The following ADGRA2 variants were observed in gnomAD, a reference collection of about 807,000 sequenced individuals.
The protein encoded by ADGRA2 is adhesion G protein-coupled receptor A2.
A neutral mutation model predicts 98.7 loss-of-function variants in ADGRA2; 61 were observed. That is an observed-to-expected ratio of 0.62 (90% CI 0.50 to 0.76). The LOEUF is 0.76. ADGRA2 is among the 30% of genes least tolerant of loss of function. The pLI is 0.00. For synonymous variants in ADGRA2, 858 were observed against 831.5 expected, an observed-to-expected ratio of 1.03 and a Z score of -0.55; for missense variants, 1,712 against 1,860.0, an observed-to-expected ratio of 0.92 and a Z score of 1.46.
chr8:37,829,411 C>G, intron 4 of ADGRA2, 77 bp from the exon 5 acceptor site: 1 of 1,526,590 alleles, frequency 6.6e-7, no homozygotes, highest in South Asian at 1.1e-5. Context: ...CCCAACCCTT[C>G]CACATCCCAC....
At chr8:37,804,130 C>G (rs139185332) in intron 1 of ADGRA2, among the ~76,000 whole-genome samples, 25 of 148,696 alleles carry the variant, frequency 1.7e-4, no homozygotes, top group African/African-American at 6.3e-4. Context: ...CACACACACA[C>G]ACACACACAC....
Position 37,839,414 on chromosome 8 carries a change from C to A in ADGRA2, c.2388-85C>A, listed in dbSNP as rs915531571. ...TCACACACGCAGATATGTGCCTGCC[C>A]CCCGTGGCTCTCCCAGTGGCCTTGA... On this transcript the variant is annotated intron_variant, in intron 15 of 18. Coordinates refer to ENST00000412232, the MANE Select transcript of ADGRA2 (RefSeq NM_032777.10). 3.6e-5 allele frequency: 56 copies of A among 1,569,414 alleles called. No homozygotes were observed. The African/African-American group carries it at 6.9e-4, about 19-fold the overall frequency.
intron 13 of ADGRA2, 84 bp from the exon 14 acceptor site, chr8:37,837,647 A>G: frequency 8.8e-7 from 1 of 1,140,102 alleles, no homozygotes; most frequent in Non-Finnish European, 1.3e-6. Context: ...ACACCCTGTC[A>G]CTGCTGCTGC....
At chr8:37,821,522 G>C (rs1805123754) in intron 2 of ADGRA2, among the ~76,000 whole-genome samples, 2 of 152,206 alleles carry the variant, frequency 1.3e-5, no homozygotes, top group South Asian at 4.1e-4. Context: ...CATGCAATGG[G>C]GACTAGGCCA....
intron 1 of ADGRA2, among the ~76,000 whole-genome samples, chr8:37,804,873 G>A (rs140340487): frequency 6.6e-6 from 1 of 152,330 alleles, no homozygotes; most frequent in Non-Finnish European, 1.5e-5. Flanking sequence ...GCGTACTCAC[G>A]GGGTCCCTGT....
chr8:37,799,515 G>A (rs1372182327), intron 1 of ADGRA2, among the ~76,000 whole-genome samples: 1 of 152,174 alleles, frequency 6.6e-6, no homozygotes, highest in East Asian at 1.9e-4. Flanking sequence ...CATATCAAAG[G>A]CAGAAGGAAG....
chr8:37,800,369 C>T (rs1804465938), intron 1 of ADGRA2, among the ~76,000 whole-genome samples: 1 of 152,206 alleles, frequency 6.6e-6, no homozygotes, highest in Non-Finnish European at 1.5e-5. Context: ...CGGATCACAC[C>T]TCTCAGGTGA....
Position 37,841,534 on chromosome 8 carries a change from T to C in ADGRA2, c.3196T>C (p.Phe1066Leu), listed in dbSNP as rs374098613. 19 of 1,612,450 alleles carry C rather than the reference T, an allele frequency of 1.2e-5. No homozygotes were observed. The highest frequency in any genetic ancestry group is 2.2e-5 in the South Asian group (2 of 90,984). ...AGCCTCCGCCCTGGGCCTCTTCGTC[T>C]TCACTCACCACTGTGCCAGGCGGAG... is the stretch of plus-strand genomic sequence containing the variant. Reference protein sequence around the residue: ...VAASALGLFVFTHHCARRRDV... With the variant: ...VAASALGLFVLTHHCARRRDV... The change falls in exon 19 of 19, where the codon TTC becomes CTC. Residue 1066 changes from phenylalanine to leucine, a missense_variant. Phe to Leu is a conservative substitution (Grantham distance 22). Coordinates refer to ENST00000412232, the MANE Select transcript of ADGRA2 (RefSeq NM_032777.10). The surrounding 1 kb of genome is among the most constrained non-coding windows in gnomAD (Gnocchi z 5.0).
chr8:37,810,882 C>T (rs1364277549), intron 1 of ADGRA2, among the ~76,000 whole-genome samples: 3 of 151,718 alleles, frequency 2.0e-5, no homozygotes, highest in Non-Finnish European at 2.9e-5. Context: ...TTTGGGAGGC[C>T]GAGGCGAGTG....
rs535852761 is a variant in ADGRA2, at chr8:37,802,992, G to A, written c.266+5458G>A. 5.8e-4 allele frequency among the ~76,000 whole-genome samples: 88 copies of A among 152,294 alleles called. No homozygotes were observed. The highest frequency in any genetic ancestry group is 2.1e-3 in the African/African-American group (86 of 41,558). On this transcript the variant is annotated intron_variant, in intron 1 of 18. Transcript: ENST00000412232. The surrounding 1 kb of genome is among the most constrained non-coding windows in gnomAD (Gnocchi z 4.7). ...CCTGAAGCCACCGAAGTCCCTGCCT[G>A]CTGGCTACCACGGCTCTCCCCTCTG... is the stretch of plus-strand genomic sequence containing the variant.
At chr8:37,816,813 G>A (rs1225880180) in intron 2 of ADGRA2, among the ~76,000 whole-genome samples, 1 of 152,026 alleles carries the variant, frequency 6.6e-6, no homozygotes, top group East Asian at 1.9e-4. Flanking sequence ...CTGCTCAGGA[G>A]GCTGAGGCAG....
At chr8:37,812,723 G>T (rs961207716) in intron 1 of ADGRA2, among the ~76,000 whole-genome samples, 13 of 151,374 alleles carry the variant, frequency 8.6e-5, no homozygotes, top group Non-Finnish European at 4.4e-5. Context: ...GGAGTGCAAT[G>T]GTGCCATCAT....
Position 37,830,630 on chromosome 8 carries a change from A to AAAC in ADGRA2, c.719-80_719-79insAAC. The AAAC allele has an allele frequency of 3.9e-6, 1 of 254,326 alleles. No individual in the cohort carries two copies. The highest frequency in any genetic ancestry group is 8.0e-6 in the Non-Finnish European group (1 of 125,426). The allele number at this position is 254,326 out of a possible 1,614,324, so 15.8% of individuals were successfully genotyped here. A position where few individuals can be genotyped will look rare whatever the true frequency, so the allele number is the denominator to read the frequency against. On this transcript the variant is annotated intron_variant, in intron 6 of 18. Coordinates refer to ENST00000412232, the MANE Select transcript of ADGRA2 (RefSeq NM_032777.10). The surrounding 1 kb of genome is among the most constrained non-coding windows in gnomAD (Gnocchi z 4.8). The stretch of plus-strand genomic sequence containing the variant: ...CGAGGGCCCCGCCCCGCCCCACCCC[A>AAAC]TCCTGCTGGACTCTCGCTCACACGT...
intron 13 of ADGRA2, among the ~76,000 whole-genome samples, chr8:37,837,373 C>G (rs1442887184): frequency 6.6e-6 from 1 of 151,652 alleles, no homozygotes; most frequent in East Asian, 1.9e-4. Context: ...TCCCTCCTCC[C>G]TCCTCCCTTC....
rs1232326061 is a variant in ADGRA2 at position 37,830,163 on chromosome 8, A to T, written c.718+149A>T. 1.9e-6 allele frequency: 1 copy of T among 537,714 alleles called. No homozygotes were observed. The highest frequency in any genetic ancestry group is 1.9e-5 in the African/African-American group (1 of 52,218). 33.3% of individuals were successfully genotyped at this position (537,714 alleles called of 1,614,324 possible). A position where few individuals can be genotyped will look rare whatever the true frequency, so the allele number is the denominator to read the frequency against. ...CCACGACACTGAGTCCTGCTCTTGC[A>T]TTTAGGGAGACCTTATCTTTATGTA... On this transcript the variant is annotated intron_variant, in intron 6 of 18. Transcript: ENST00000412232. This position sits in a 1 kb window ranked among gnomAD's most constrained non-coding sequence, Gnocchi z 4.8.
At chr8:37,804,232 A>C (rs1297640891) in intron 1 of ADGRA2, among the ~76,000 whole-genome samples, 1 of 151,902 alleles carries the variant, frequency 6.6e-6, no homozygotes, top group African/African-American at 2.4e-5. Flanking sequence ...TGCAGGTGGG[A>C]ACCTAGAGAC....
intron 13 of ADGRA2, 126 bp downstream of exon 13, chr8:37,835,896 G>A (rs190896167): frequency 3.6e-4 from 238 of 653,718 alleles, no homozygotes; most frequent in Admixed American, 8.8e-4. Flanking sequence ...AGGATGTTGG[G>A]TCTCTCACCT....
intron 8 of ADGRA2, 28 bp from the exon 9 acceptor site, chr8:37,832,982 A>C (rs755256839): frequency 1.3e-6 from 2 of 1,581,690 alleles, no homozygotes; most frequent in Non-Finnish European, 1.7e-6. Context: ...AGCCCGGTTC[A>C]TCGGCAACTT....
At position 37,814,565 on chromosome 8, in the gene ADGRA2, G is replaced by A. The variant is rs1338580246; in HGVS notation, c.267-331G>A. Among the ~76,000 whole-genome samples, 4 of 152,356 alleles carry A rather than the reference G, an allele frequency of 2.6e-5. No homozygotes were observed. Among genetic ancestry groups the A allele is most frequent in the African/African-American group, 9.6e-5 (4 of 41,580 alleles). ...GAACTGTGAAGGGCATCATGAGGGG[G>A]CACTGAGGGTCAGCCCTGTGGTTCC... On this transcript the variant is annotated intron_variant, in intron 1 of 18. Transcript: ENST00000412232. This position sits in a 1 kb window ranked among gnomAD's most constrained non-coding sequence, Gnocchi z 4.3.
Sources: allele counts gnomAD v4.1 joint callset (sites outside exome capture counted in the v4.1 genomes callset), GRCh38; gene constraint gnomAD v4.1.1; non-coding constraint Gnocchi (gnomAD v3.1); transcripts MANE v1.5; gene names NCBI Gene and HGNC (gene_info 2026-07-23, HGNC 2026-07-21).